BDH1: variants seen among roughly 807,000 people sequenced by gnomAD.
BDH1 encodes the protein D-beta-hydroxybutyrate dehydrogenase, mitochondrial.
A neutral mutation model predicts 33.1 loss-of-function variants in BDH1; 30 were observed. The ratio of observed to expected loss-of-function variants is 0.91; its 90% confidence interval spans 0.68 to 1.23. The LOEUF (loss-of-function observed/expected upper bound fraction) is 1.23, where lower values mean the gene tolerates loss of function less well. BDH1 is among the 50% of genes most tolerant of loss of function. The pLI is 0.00. For synonymous variants in BDH1, 190 were observed against 183.6 expected (o/e 1.03, Z -0.28); for missense variants, 443 against 464.4 (o/e 0.95, Z 0.42).
rs1374797773 is a variant in BDH1, at chr3:197,523,082, C to T, written c.268-301G>A. The T allele has an allele frequency of 3.0e-5, 12 of 393,514 alleles. No individual in the cohort carries two copies. The highest frequency in any genetic ancestry group is 6.3e-5 in the South Asian group (1 of 15,854). 24.4% of individuals were successfully genotyped at this position (393,514 alleles called of 1,614,324 possible). ...GGGTTGCAAACTTATGTGGGGCAGG[C>T]GGGGGCCCTGGGGAGTACAGGACAT... On this transcript the variant is annotated intron_variant, in intron 5 of 7. Coordinates refer to ENST00000392379, the MANE Select transcript of BDH1 (RefSeq NM_203314.3). This position sits in a 1 kb window ranked among gnomAD's most constrained non-coding sequence, Gnocchi z 4.5.
At position 197,554,217 on chromosome 3, in the gene BDH1, G is replaced by A. The variant is rs1716806444; in HGVS notation, c.-44+345C>T. On this transcript the variant is annotated intron_variant, in intron 2 of 7. Coordinates refer to ENST00000392379, the MANE Select transcript of BDH1 (RefSeq NM_203314.3). This position sits in a 1 kb window ranked among gnomAD's most constrained non-coding sequence, Gnocchi z 4.4. Reference sequence around the variant, plus strand: ...TAATCCCCTAATTCAAAAATCTTTCGCCCAATCTCCTCCCTTCTGTGCCTC... The same window carrying A: ...TAATCCCCTAATTCAAAAATCTTTCACCCAATCTCCTCCCTTCTGTGCCTC... Among the ~76,000 whole-genome samples the A allele has an allele frequency of 1.3e-5, 2 of 152,016 alleles. No homozygotes were observed. The highest frequency in any genetic ancestry group is 4.8e-5 in the African/African-American group (2 of 41,372).
intron 1 of BDH1, among the ~76,000 whole-genome samples, chr3:197,571,199 T>C (rs575950728): frequency 6.6e-6 from 1 of 152,348 alleles, no homozygotes; most frequent in East Asian, 1.9e-4. Flanking sequence ...GTACCTCCAT[T>C]GTATCTAGGA....
rs1713357024 is a variant in BDH1 at position 197,520,003 on chromosome 3, G to A, written c.409+2637C>T. Among the ~76,000 whole-genome samples, 1 of 152,176 alleles carries A rather than the reference G, an allele frequency of 6.6e-6. No individual in the cohort carries two copies. Among genetic ancestry groups the A allele is most frequent in the Admixed American group, 6.5e-5 (1 of 15,284 alleles). On this transcript the variant is annotated intron_variant, in intron 6 of 7. Coordinates refer to ENST00000392379, the MANE Select transcript of BDH1 (RefSeq NM_203314.3). This position sits in a 1 kb window ranked among gnomAD's most constrained non-coding sequence, Gnocchi z 6.0. ...GTGCCCCCCCGGTGGAGAAGGGGAA[G>A]AGGACCCTTCTGACATGTCCTGCAT...
At chr3:197,538,029 G>T (rs1715302353) in intron 3 of BDH1, among the ~76,000 whole-genome samples, 1 of 152,058 alleles carries the variant, frequency 6.6e-6, no homozygotes, top group African/African-American at 2.4e-5. Flanking sequence ...CCATTTCTTG[G>T]GTCCTGAGGT....
intron 7 of BDH1, among the ~76,000 whole-genome samples, chr3:197,513,096 A>C (rs1712253116): frequency 6.6e-6 from 1 of 152,172 alleles, no homozygotes; most frequent in South Asian, 2.1e-4. Flanking sequence ...ACCTGACTTC[A>C]GGGCTAGGAT....
At position 197,523,430 on chromosome 3, in the gene BDH1, T is replaced by C. The variant is rs1713769571; in HGVS notation, c.268-649A>G. Among the ~76,000 whole-genome samples, 1 of 152,156 alleles carries C rather than the reference T, an allele frequency of 6.6e-6. No individual in the cohort carries two copies. The highest frequency in any genetic ancestry group is 1.5e-5 in the Non-Finnish European group (1 of 68,028). ...TGTCCCTGAACAGGGGTCCATTTTT[T>C]CTGGCTGTAAAACAGGAACATCACC... On this transcript the variant is annotated intron_variant, in intron 5 of 7. Coordinates refer to ENST00000392379, the MANE Select transcript of BDH1 (RefSeq NM_203314.3). The surrounding 1 kb of genome is among the most constrained non-coding windows in gnomAD (Gnocchi z 4.5).
Position 197,523,600 on chromosome 3 carries a change from A to G in BDH1, c.268-819T>C, listed in dbSNP as rs1429175269. On this transcript the variant is annotated intron_variant, in intron 5 of 7. Coordinates refer to ENST00000392379, the MANE Select transcript of BDH1 (RefSeq NM_203314.3). The surrounding 1 kb of genome is among the most constrained non-coding windows in gnomAD (Gnocchi z 4.5). ...CTCGGCAAACATTTCTTGGGCCCCT[A>G]TCGTGTTCCGGCACTGTGCTAGGAA... Among the ~76,000 whole-genome samples the G allele has an allele frequency of 1.3e-5, 2 of 152,196 alleles. No individual in the cohort carries two copies. The highest frequency in any genetic ancestry group is 2.9e-5 in the Non-Finnish European group (2 of 68,024).
chr3:197,522,764 C>T lies in BDH1; in HGVS notation c.285G>A (p.Gly95=), dbSNP rs1371730209. 2.5e-6 allele frequency: 4 copies of T among 1,613,942 alleles called. No individual in the cohort carries two copies. The highest frequency in any genetic ancestry group is 1.1e-5 in the South Asian group (1 of 91,068). The change falls in exon 6 of 8, where the codon GGG becomes GGA. Residue 95 remains glycine, a synonymous_variant. Transcript: ENST00000392379. The surrounding 1 kb of genome is among the most constrained non-coding windows in gnomAD (Gnocchi z 4.8). ...TGTTTAGGCTGTCCAGCTCCTTGACCCCATCATGGCCTTTGTCCTGGGGAG... is the reference window on the plus strand; with the variant it reads ...TGTTTAGGCTGTCCAGCTCCTTGACTCCATCATGGCCTTTGTCCTGGGGAG... The part of the protein sequence containing the change: ...GCLMKDKGHD[G]VKELDSLNSD...
chr3:197,555,253 G>A (rs1040725201), intron 1 of BDH1: 1 of 154,546 alleles, frequency 6.5e-6, no homozygotes, highest in Non-Finnish European at 1.4e-5. Flanking sequence ...GACCCCGGAG[G>A]AGGAGGAGGA....
intron 3 of BDH1, among the ~76,000 whole-genome samples, chr3:197,540,445 A>G (rs187354330): frequency 0.093 from 13,597 of 145,500 alleles, 779 homozygotes; most frequent in African/African-American, 0.15. Flanking sequence ...TGAGGCGGGC[A>G]GACACTTGAG....
chr3:197,542,562 C>T (rs1440333274), intron 3 of BDH1, among the ~76,000 whole-genome samples: 20 of 115,112 alleles, frequency 1.7e-4, no homozygotes, highest in African/African-American at 7.3e-4. Context: ...TTGCTCTTGT[C>T]GCCCAGGCTG....
rs1713651726 is a variant in BDH1, at chr3:197,522,421, C to T, written c.409+219G>A. 6.6e-6 allele frequency among the ~76,000 whole-genome samples: 1 copy of T among 152,188 alleles called. No homozygotes were observed. Among genetic ancestry groups the T allele is most frequent in the African/African-American group, 2.4e-5 (1 of 41,454 alleles). The stretch of plus-strand genomic sequence containing the variant: ...ATCAGTGCGTAGCCACCTAGCACTC[C>T]GTGAACTCTGAAATCACCTCCTGAC... On this transcript the variant is annotated intron_variant, in intron 6 of 7. Transcript: ENST00000392379. The surrounding 1 kb of genome is among the most constrained non-coding windows in gnomAD (Gnocchi z 4.8).
intron 5 of BDH1, among the ~76,000 whole-genome samples, chr3:197,530,920 T>G (rs898294530): frequency 6.6e-6 from 1 of 152,234 alleles, no homozygotes; most frequent in African/African-American, 2.4e-5. Flanking sequence ...GCTACTTTGA[T>G]TTTACCAATT....
rs147869521 is a variant in BDH1, at chr3:197,546,480, G to A, written c.-37C>T. On this transcript the variant is annotated 5_prime_UTR_variant, in exon 3 of 8. Coordinates refer to ENST00000392379, the MANE Select transcript of BDH1 (RefSeq NM_203314.3). ...GTGTTAGAATGGCCCAGTTCCTCCC[G>A]GTGGTTCTGAAACATAAATGCACCC... 1.2e-5 allele frequency: 20 copies of A among 1,600,780 alleles called. No homozygotes were observed. The highest frequency in any genetic ancestry group is 8.0e-5 in the African/African-American group (6 of 74,660).
chr3:197,527,073 A>G (rs567232860), intron 5 of BDH1, among the ~76,000 whole-genome samples: 4 of 152,318 alleles, frequency 2.6e-5, no homozygotes, highest in Admixed American at 6.5e-5. Flanking sequence ...TTTTGTCTCT[A>G]GCATATATGT....
At chr3:197,512,504 G>A in intron 7 of BDH1, 140 bp from the exon 8 acceptor site, 1 of 888,440 alleles carries the variant, frequency 1.1e-6, no homozygotes, top group Non-Finnish European at 1.7e-6. Context: ...GGCAAGGCCA[G>A]CTCAGGCCCA....
upstream of BDH1, among the ~76,000 whole-genome samples, chr3:197,559,808 G>A (rs114944902): frequency 8.5e-4 from 130 of 152,384 alleles, 1 homozygote; most frequent in African/African-American, 3.1e-3. Flanking sequence ...GTCAGACAAA[G>A]CCATTCTCAG....
intron 2 of BDH1, among the ~76,000 whole-genome samples, chr3:197,553,547 G>A (rs866942244): frequency 6.1e-4 from 79 of 128,748 alleles, no homozygotes; most frequent in African/African-American, 2.5e-3. Context: ...AAAAAAAAAA[G>A]AAGAGTTTTA....
At position 197,520,243 on chromosome 3, in the gene BDH1, G is replaced by A. The variant is rs748891420; in HGVS notation, c.409+2397C>T. Reference sequence around the variant, plus strand: ...GGGGACACGCCACTGCATATCTGACGGATGTACTGTTTTCTTCAGACCTAA... The same window carrying A: ...GGGGACACGCCACTGCATATCTGACAGATGTACTGTTTTCTTCAGACCTAA... On this transcript the variant is annotated intron_variant, in intron 6 of 7. Coordinates refer to ENST00000392379, the MANE Select transcript of BDH1 (RefSeq NM_203314.3). This position sits in a 1 kb window ranked among gnomAD's most constrained non-coding sequence, Gnocchi z 6.0. 3.3e-4 allele frequency among the ~76,000 whole-genome samples: 51 copies of A among 152,286 alleles called. No homozygotes were observed. The highest frequency in any genetic ancestry group is 5.3e-4 in the Non-Finnish European group (36 of 68,022).
Sources: gnomAD v4.1 joint callset for allele counts (sites outside exome capture counted in the v4.1 genomes callset) on GRCh38, gnomAD v4.1.1 for gene constraint, Gnocchi (gnomAD v3.1) non-coding constraint, MANE v1.5 for transcripts, NCBI Gene and HGNC (gene_info 2026-07-23, HGNC 2026-07-21) for gene names.